EFR3B: variants seen among roughly 807,000 people sequenced by gnomAD.
The protein encoded by EFR3B is EFR3 homolog B, also known as protein EFR3 homolog B.
EFR3B carries 64 observed loss-of-function variants against 104.7 expected under a neutral mutation model. That is an observed-to-expected ratio of 0.61 (90% CI 0.50 to 0.75). EFR3B has a LOEUF of 0.75. EFR3B is among the 30% of genes least tolerant of loss of function. The pLI is 0.00. For synonymous variants in EFR3B, 385 were observed against 417.9 expected, an observed-to-expected ratio of 0.92 and a Z score of 0.96; for missense variants, 750 against 1,078.5, an observed-to-expected ratio of 0.70 and a Z score of 4.27.
intron 4 of EFR3B, among the ~76,000 whole-genome samples, chr2:25,119,605 A>G (rs1466689546): frequency 1.3e-5 from 2 of 152,220 alleles, no homozygotes; most frequent in African/African-American, 4.8e-5. Flanking sequence ...TCACCACATC[A>G]GTCATGCCAG....
chr2:25,068,512 AT>A (rs1668398995), intron 1 of EFR3B, among the ~76,000 whole-genome samples: 1 of 152,186 alleles, frequency 6.6e-6, no homozygotes, highest in African/African-American at 2.4e-5. Flanking sequence ...GGGCACAAGC[AT>A]AAGATAACTG....
intron 4 of EFR3B, among the ~76,000 whole-genome samples, chr2:25,120,304 T>A (rs1370810148): frequency 1.3e-5 from 2 of 151,202 alleles, no homozygotes; most frequent in Admixed American, 6.6e-5. Context: ...TGAGCCGAGA[T>A]CATGTCATTG....
intron 5 of EFR3B, among the ~76,000 whole-genome samples, chr2:25,122,655 C>T (rs552475324): frequency 6.6e-6 from 1 of 152,246 alleles, no homozygotes; most frequent in African/African-American, 2.4e-5. Flanking sequence ...TGGCTCACTG[C>T]ATCGCCTCTG....
rs1256341834 is a variant in EFR3B at position 25,136,650 on chromosome 2, G to A, written c.1560+52G>A. On this transcript the variant is annotated intron_variant, in intron 14 of 22. Transcript: ENST00000403714. The surrounding 1 kb of genome is among the most constrained non-coding windows in gnomAD (Gnocchi z 4.0). Reference sequence around the variant, plus strand: ...GTGAAGGGCGGGCACGGTGGCTCACGCCTGCAATCCCAGCACTTTGGGAGG... The same window carrying A: ...GTGAAGGGCGGGCACGGTGGCTCACACCTGCAATCCCAGCACTTTGGGAGG... 9.4e-6 allele frequency: 14 copies of A among 1,483,244 alleles called. No individual in the cohort carries two copies. The highest frequency in any genetic ancestry group is 2.5e-5 in the East Asian group (1 of 40,348). The allele number at this position is 1,483,244 out of a possible 1,614,324, so 91.9% of individuals were successfully genotyped here.
intron 19 of EFR3B, chr2:25,147,539 A>T (rs554848493): frequency 5.5e-4 from 84 of 152,342 alleles, no homozygotes; most frequent in African/African-American, 1.9e-3. Flanking sequence ...GAATTTTCAT[A>T]AAGTGTGTAT....
intron 1 of EFR3B, among the ~76,000 whole-genome samples, chr2:25,046,565 C>T (rs372215128): frequency 2.8e-5 from 4 of 142,930 alleles, no homozygotes; most frequent in African/African-American, 5.1e-5. Context: ...TGCAGTGGCG[C>T]GATCTCGGCT....
intron 3 of EFR3B, among the ~76,000 whole-genome samples, chr2:25,094,282 C>CAAAAAAAAAAAA (rs11455802): frequency 1.1e-5 from 1 of 91,658 alleles, no homozygotes; most frequent in Admixed American, 1.3e-4. Context: ...GAGACTGTCT[C>CAAAAAAAAAAAA]AAAAAAAAAA....
intron 1 of EFR3B, among the ~76,000 whole-genome samples, chr2:25,051,639 T>C (rs4665762): frequency 3.6e-5 from 2 of 55,758 alleles, no homozygotes; most frequent in Admixed American, 3.2e-4. Flanking sequence ...GTGTGTGTGT[T>C]TTTTTTTTTT....
At chr2:25,047,335 C>G (rs572786020) in intron 1 of EFR3B, among the ~76,000 whole-genome samples, 1 of 152,030 alleles carries the variant, frequency 6.6e-6, no homozygotes, top group Non-Finnish European at 1.5e-5. Context: ...CTCCGACCCT[C>G]GGGTAATCTT....
chr2:25,143,083 TA>T (rs1282507337), intron 17 of EFR3B, among the ~76,000 whole-genome samples: 1 of 150,158 alleles, frequency 6.7e-6, no homozygotes, highest in Non-Finnish European at 1.5e-5. Context: ...CCGTCTCTAC[TA>T]AAAATACAAA....
intron 17 of EFR3B, among the ~76,000 whole-genome samples, chr2:25,142,645 G>C (rs1160099867): frequency 1.3e-5 from 2 of 150,080 alleles, no homozygotes; most frequent in South Asian, 2.1e-4. Context: ...TGTAATCCCA[G>C]CTACTTGGGA....
intron 20 of EFR3B, 127 bp downstream of exon 20, chr2:25,149,869 G>A (rs1670952863): frequency 4.6e-6 from 4 of 872,082 alleles, no homozygotes; most frequent in Non-Finnish European, 7.5e-6. Context: ...GAAGGGAGAG[G>A]CTGGTGTCTT....
chr2:25,116,798 G>A (rs2149198348), intron 4 of EFR3B, among the ~76,000 whole-genome samples: 1 of 152,142 alleles, frequency 6.6e-6, no homozygotes, highest in East Asian at 1.9e-4. Flanking sequence ...AGAAACTGCT[G>A]ACCTGGTCTG....
intron 4 of EFR3B, among the ~76,000 whole-genome samples, chr2:25,107,032 G>A (rs1039650893): frequency 6.6e-6 from 1 of 152,240 alleles, no homozygotes; most frequent in African/African-American, 2.4e-5. Context: ...GGATTTCTCA[G>A]TGTAGAGATG....
rs1670439442 is a variant in EFR3B, at chr2:25,133,494, G to T, written c.1311+60G>T. ...CTGCAGGAGACAGCTCCTTCCAAGG[G>T]ACCAAGTGAAGGCCTCCACATACAG... On this transcript the variant is annotated intron_variant, in intron 12 of 22. Transcript: ENST00000403714. 3 of 1,529,732 alleles carry T rather than the reference G, an allele frequency of 2.0e-6. No homozygotes were observed. In the African/African-American group the frequency reaches 4.1e-5, roughly 21 times the overall value. The allele number at this position is 1,529,732 out of a possible 1,614,324, so 94.8% of individuals were successfully genotyped here.
chr2:25,070,788 A>G (rs903065691), intron 1 of EFR3B, among the ~76,000 whole-genome samples: 2 of 152,212 alleles, frequency 1.3e-5, no homozygotes, highest in African/African-American at 4.8e-5. Flanking sequence ...GCAGAGGCTC[A>G]GAGGGACAGA....
At chr2:25,064,010 GGCCT>G (rs2149170855) in intron 1 of EFR3B, among the ~76,000 whole-genome samples, 1 of 152,292 alleles carries the variant, frequency 6.6e-6, no homozygotes, top group African/African-American at 2.4e-5. Flanking sequence ...GGCTCTGATT[GGCCT>G]GCTGCTTACT....
intron 1 of EFR3B, among the ~76,000 whole-genome samples, chr2:25,061,485 T>A (rs1320801328): frequency 6.6e-6 from 1 of 151,368 alleles, no homozygotes; most frequent in Admixed American, 6.6e-5. Context: ...TGAACACCAA[T>A]AAGCTTTATT....
chr2:25,091,168 T>A (rs1311247960), intron 1 of EFR3B, among the ~76,000 whole-genome samples, 157 bp from the exon 2 acceptor site: 1 of 152,180 alleles, frequency 6.6e-6, no homozygotes, highest in East Asian at 1.9e-4. Flanking sequence ...AGATGCCAGC[T>A]CTGGGAGGAC....
Sources: allele counts gnomAD v4.1 joint callset (sites outside exome capture counted in the v4.1 genomes callset), GRCh38; gene constraint gnomAD v4.1.1; non-coding constraint Gnocchi (gnomAD v3.1); transcripts MANE v1.5; gene names NCBI Gene and HGNC (gene_info 2026-07-23, HGNC 2026-07-21).